Variants in VAV2 observed in about 807,000 individuals in gnomAD.
VAV2 encodes the protein vav guanine nucleotide exchange factor 2.
VAV2 carries 67 observed loss-of-function variants against 132.5 expected under a neutral mutation model. That is an observed-to-expected ratio of 0.51 (90% confidence interval 0.42 to 0.62). The LOEUF (loss-of-function observed/expected upper bound fraction) is 0.62. Among genes scored for constraint, VAV2 ranks in the 20% least tolerant of loss-of-function variants. The pLI is 0.00. For missense variants in VAV2, 938 were observed against 1,153.6 expected, an observed-to-expected ratio of 0.81 and a Z score of 2.71; for synonymous variants, 492 against 443.5, an observed-to-expected ratio of 1.11 and a Z score of -1.37.
At chr9:133,960,036 G>A (rs928518748) in intron 1 of VAV2, among the ~76,000 whole-genome samples, 1 of 152,186 alleles carries the variant, frequency 6.6e-6, no homozygotes, top group African/African-American at 2.4e-5. Context: ...GAACACGGGT[G>A]CCCCCAAACC....
chr9:133,793,566 C>G (rs555979260), intron 12 of VAV2, among the ~76,000 whole-genome samples: 2 of 152,190 alleles, frequency 1.3e-5, no homozygotes, highest in Admixed American at 1.3e-4. Context: ...GGACCACCCC[C>G]CTCCCAAAGG....
chr9:133,938,688 C>T (rs1205995533), intron 2 of VAV2, among the ~76,000 whole-genome samples: 1 of 152,132 alleles, frequency 6.6e-6, no homozygotes, highest in African/African-American at 2.4e-5. Context: ...CTTTCCCCTC[C>T]TCATCTCCCC....
chr9:133,909,771 G>T (rs765484398), intron 2 of VAV2, among the ~76,000 whole-genome samples: 7 of 152,184 alleles, frequency 4.6e-5, no homozygotes, highest in Admixed American at 2.0e-4. Flanking sequence ...TGGAAACTGC[G>T]CCTGAGGATT....
rs1840226798 is a variant in VAV2, at chr9:133,919,758, C to T, written c.321+19345G>A. Among the ~76,000 whole-genome samples, 4 of 152,208 alleles carry T rather than the reference C, an allele frequency of 2.6e-5. No homozygotes were observed. Among genetic ancestry groups the T allele is most frequent in the Admixed American group, 2.6e-4 (4 of 15,284 alleles). Reference sequence around the variant, plus strand: ...AGTCTCAGGGGAGCAACACAAACAGCGCATTCTTGGCATCCGTGAGGCAGA... The same window carrying T: ...AGTCTCAGGGGAGCAACACAAACAGTGCATTCTTGGCATCCGTGAGGCAGA... On this transcript the variant is annotated intron_variant, in intron 2 of 29. Transcript: ENST00000371850. The surrounding 1 kb of genome is among the most constrained non-coding windows in gnomAD (Gnocchi z 5.8).
intron 1 of VAV2, among the ~76,000 whole-genome samples, chr9:133,954,384 G>A (rs529659674): frequency 6.6e-5 from 10 of 152,358 alleles, no homozygotes; most frequent in South Asian, 4.1e-4. Flanking sequence ...GCAAGTGCGC[G>A]TGAGACGCCC....
In VAV2 at chr9:133,785,887, T is replaced by C; in HGVS notation, c.1423-2A>G. 6.2e-7 allele frequency: 1 copy of C among 1,612,774 alleles called. No homozygotes were observed. Among genetic ancestry groups the C allele is most frequent in the Non-Finnish European group, 8.5e-7 (1 of 1,179,332 alleles). On this transcript the variant is annotated splice_acceptor_variant, in intron 16 of 29. Transcript: ENST00000371850. LOFTEE classifies it high-confidence loss of function. ...AATTAGGTAGAAGCCGTAGGACCAC[T>C]GCAGGGGGGAGAGGGGCCATGCTTG... is the stretch of plus-strand genomic sequence containing the variant.
At position 133,778,870 on chromosome 9, in the gene VAV2, C is replaced by T; in HGVS notation, c.1782G>A (p.Met594Ile). The T allele has an allele frequency of 1.9e-6, 3 of 1,612,730 alleles. No homozygotes were observed. The highest frequency in any genetic ancestry group is 1.3e-5 in the African/African-American group (1 of 75,034). The change falls in exon 22 of 30, where the codon ATG (methionine) becomes ATA (isoleucine). Residue 594 changes from methionine to isoleucine, a missense_variant. By Grantham distance (10) the Met-to-Ile change is conservative. Coordinates refer to ENST00000371850, the MANE Select transcript of VAV2 (RefSeq NM_001134398.2). ...GAGPGPKMVA[M>I]QNYHGNPAPP... ...GGGCTGGGTTGCCATGGTAATTCTG[C>T]ATGGCCACCATCTTGGGACCTGCAA...
At position 133,772,038 on chromosome 9, in the gene VAV2, T is replaced by C. The variant is rs1833644371; in HGVS notation, c.2144A>G (p.Asp715Gly). Residue 715 changes from aspartate (D) to glycine (G), a missense_variant, in exon 26 of 30, where the codon GAT becomes GGT. Physicochemically the swap from Asp to Gly is moderately conservative, Grantham distance 94. Coordinates refer to ENST00000371850, the MANE Select transcript of VAV2 (RefSeq NM_001134398.2). ...CACCACCTTGATGTGCTTCACCTCATCATTGAACCTGAGCAAACACACGGC... is the reference window on the plus strand; with the variant it reads ...CACCACCTTGATGTGCTTCACCTCACCATTGAACCTGAGCAAACACACGGC... ...ERFAISIKFN[D>G]EVKHIKVVEK... 8.3e-7 allele frequency: 1 copy of C among 1,201,322 alleles called. No homozygotes were observed. Among genetic ancestry groups the C allele is most frequent in the Non-Finnish European group, 1.1e-6 (1 of 875,938 alleles). 74.4% of individuals were successfully genotyped at this position (1,201,322 alleles called of 1,614,324 possible). A position where few individuals can be genotyped will look rare whatever the true frequency, so the allele number is the denominator to read the frequency against.
chr9:133,809,175 G>T, intron 6 of VAV2, 37 bp from the exon 7 acceptor site: 2 of 1,589,364 alleles, frequency 1.3e-6, no homozygotes, highest in Non-Finnish European at 1.7e-6. Context: ...GGACCCCATG[G>T]GCCCGGCCAC....
intron 1 of VAV2, among the ~76,000 whole-genome samples, chr9:133,957,933 T>C (rs1408736271): frequency 6.7e-6 from 1 of 150,112 alleles, no homozygotes; most frequent in African/African-American, 2.4e-5. Flanking sequence ...AAACATGTGC[T>C]GTGTCAAACT....
intron 4 of VAV2, among the ~76,000 whole-genome samples, chr9:133,816,513 T>C (rs1380086907): frequency 6.6e-6 from 1 of 152,238 alleles, no homozygotes; most frequent in African/African-American, 2.4e-5. Flanking sequence ...TGGTATGAAG[T>C]AGCAGGGTTC....
At chr9:133,875,237 C>A (rs188642048) in intron 2 of VAV2, among the ~76,000 whole-genome samples, 110 of 152,328 alleles carry the variant, frequency 7.2e-4, no homozygotes, top group Admixed American at 1.2e-3. Context: ...TTCACAGGGC[C>A]AGAGCCGAGT....
Position 133,963,693 on chromosome 9 carries a change from C to T in VAV2, c.205-24474G>A, listed in dbSNP as rs112526105. ...TGTATCACATCCAAGGACTGTCACA[C>T]GTGAAACATGGCATGATTTTATGTA... On this transcript the variant is annotated intron_variant, in intron 1 of 29. Transcript: ENST00000371850. 6.3e-3 allele frequency among the ~76,000 whole-genome samples: 956 copies of T among 152,220 alleles called. 13 individuals are homozygous for T. Among genetic ancestry groups the T allele is most frequent in the African/African-American group, 0.022 (909 of 41,534 alleles).
rs1414693911 is a variant in VAV2, at chr9:133,926,422, C to T, written c.321+12681G>A. 1 of 152,326 alleles carries T rather than the reference C, an allele frequency of 6.6e-6. No homozygotes were observed. Among genetic ancestry groups the T allele is most frequent in the East Asian group, 1.9e-4 (1 of 5,200 alleles). 9.4% of individuals were successfully genotyped at this position (152,326 alleles called of 1,614,324 possible). ...GCTAAGTTATTATTACTAATTCCAA[C>T]AACCTGGCTTGCAGCTTTAGATCGT... On this transcript the variant is annotated intron_variant, in intron 2 of 29. Transcript: ENST00000371850. The surrounding 1 kb of genome is among the most constrained non-coding windows in gnomAD (Gnocchi z 4.3).
chr9:133,764,956 C>A (rs1833385878), intron 29 of VAV2, among the ~76,000 whole-genome samples: 1 of 152,086 alleles, frequency 6.6e-6, no homozygotes, highest in Admixed American at 6.5e-5. Context: ...CACACCTAGG[C>A]AGATTATAGT....
chr9:133,764,950 C>T (rs1378901866), intron 29 of VAV2, among the ~76,000 whole-genome samples: 2 of 152,090 alleles, frequency 1.3e-5, no homozygotes, highest in Non-Finnish European at 2.9e-5. Flanking sequence ...GAAAATCACA[C>T]CTAGGCAGAT....
At chr9:133,795,162 G>A (rs1378589682) in intron 12 of VAV2, among the ~76,000 whole-genome samples, 2 of 152,346 alleles carry the variant, frequency 1.3e-5, no homozygotes, top group East Asian at 3.9e-4. Context: ...AGGGAGCCAC[G>A]GAAGGTTTCT....
chr9:133,990,395 G>A (rs1396516886), intron 1 of VAV2, among the ~76,000 whole-genome samples: 1 of 152,166 alleles, frequency 6.6e-6, no homozygotes, highest in East Asian at 1.9e-4. Context: ...CAGGAGCTGA[G>A]CCAAGCCACC....
chr9:133,811,798 G>A (rs1835368064), intron 5 of VAV2, among the ~76,000 whole-genome samples: 1 of 152,212 alleles, frequency 6.6e-6, no homozygotes, highest in East Asian at 1.9e-4. Flanking sequence ...GCCCTTGGAA[G>A]GAGAATCCCA....
Sources: allele counts gnomAD v4.1 joint callset (sites outside exome capture counted in the v4.1 genomes callset), GRCh38; gene constraint gnomAD v4.1.1; non-coding constraint Gnocchi (gnomAD v3.1); transcripts MANE v1.5; gene names NCBI Gene and HGNC (gene_info 2026-07-23, HGNC 2026-07-21).